The following MRTFB variants were observed in gnomAD, a reference collection of about 807,000 sequenced individuals.
MRTFB encodes myocardin related transcription factor B.
MRTFB carries 29 observed loss-of-function variants against 104.2 expected under a neutral mutation model. That is an observed-to-expected ratio of 0.28 (90% CI 0.21 to 0.38). The LOEUF (loss-of-function observed/expected upper bound fraction) is 0.38, where lower values mean the gene tolerates loss of function less well. Among genes scored for constraint, MRTFB ranks in the 10% least tolerant of loss-of-function variants. MRTFB has a pLI of 1.00. For missense variants in MRTFB, 1,270 were observed against 1,341.6 expected, an observed-to-expected ratio of 0.95 and a Z score of 0.83; for synonymous variants, 535 against 519.5, an observed-to-expected ratio of 1.03 and a Z score of -0.41.
chr16:14,138,381 C>T (rs13336288), intron 2 of MRTFB, among the ~76,000 whole-genome samples: 3,885 of 152,104 alleles, frequency 0.026, 177 homozygotes, highest in African/African-American at 0.089. Context: ...TCTCTTTATT[C>T]TAAGTAAGTT....
chr16:14,173,157 A>G (rs1264517725), intron 3 of MRTFB, among the ~76,000 whole-genome samples: 1 of 151,606 alleles, frequency 6.6e-6, no homozygotes, highest in Non-Finnish European at 1.5e-5. Context: ...CTCCCTCCAC[A>G]TTGCTTTTCT....
At chr16:14,005,126 G>A in the MRTFB span, among the ~76,000 whole-genome samples, 2 of 152,260 alleles carry the variant, frequency 1.3e-5, no homozygotes, top group Admixed American at 6.5e-5. Context: ...TGCCCTGTGA[G>A]CCTCCAGGAA....
At chr16:14,252,234 G>T (rs1022001871) in intron 14 of MRTFB, 131 bp from the exon 15 acceptor site, 1 of 1,404,692 alleles carries the variant, frequency 7.1e-7, no homozygotes, top group African/African-American at 1.4e-5. Context: ...AGCCTCACAG[G>T]TGCTTAAAAG....
chr16:14,205,932 C>T (rs1312173409), intron 3 of MRTFB, among the ~76,000 whole-genome samples: 1 of 152,190 alleles, frequency 6.6e-6, no homozygotes, highest in African/African-American at 2.4e-5. Context: ...GCCTCTGCTG[C>T]AGGAAAACAG....
At chr16:14,253,451 T>C (rs2043340490) in intron 15 of MRTFB, among the ~76,000 whole-genome samples, 1 of 152,050 alleles carries the variant, frequency 6.6e-6, no homozygotes, top group African/African-American at 2.4e-5. Flanking sequence ...TGGGGTAACT[T>C]GTTGGGGCCA....
At chr16:14,104,922 G>A (rs547330588) in intron 2 of MRTFB, among the ~76,000 whole-genome samples, 17 of 152,284 alleles carry the variant, frequency 1.1e-4, no homozygotes, top group Admixed American at 3.3e-4. Context: ...GCACTGAAGC[G>A]TATTGACATT....
At chr16:14,228,626 T>TG (rs1422397679) in intron 8 of MRTFB, among the ~76,000 whole-genome samples, 4 of 151,720 alleles carry the variant, frequency 2.6e-5, no homozygotes, top group Admixed American at 1.3e-4. Context: ...TGTATATCCC[T>TG]GTTCATAGCA....
chr16:14,069,600 T>A (rs568928089), upstream of MRTFB, among the ~76,000 whole-genome samples: 4 of 152,304 alleles, frequency 2.6e-5, no homozygotes, highest in South Asian at 6.2e-4. Context: ...TCCTCTCACA[T>A]CAGCCTCCAG....
At chr16:14,157,950 G>T (rs1362558697) in intron 3 of MRTFB, among the ~76,000 whole-genome samples, 1 of 152,134 alleles carries the variant, frequency 6.6e-6, no homozygotes, top group Non-Finnish European at 1.5e-5. Flanking sequence ...GTTTGAAAAT[G>T]TAATTATTTG....
At chr16:14,085,931 G>C (rs1317793845) in intron 2 of MRTFB, among the ~76,000 whole-genome samples, 1 of 152,054 alleles carries the variant, frequency 6.6e-6, no homozygotes, top group East Asian at 1.9e-4. Context: ...TTTTGTTGTT[G>C]TCAAGGGAAA....
At chr16:14,251,806 A>T in intron 13 of MRTFB, 56 bp from the exon 14 acceptor site, 1 of 1,582,602 alleles carries the variant, frequency 6.3e-7, no homozygotes, top group Non-Finnish European at 8.6e-7. Context: ...GGTTTTCTTT[A>T]CTTCATTAAG....
At chr16:14,053,562 C>A in the MRTFB span, among the ~76,000 whole-genome samples, 1 of 151,920 alleles carries the variant, frequency 6.6e-6, no homozygotes, top group Non-Finnish European at 1.5e-5. Context: ...GAAACCCTGT[C>A]TCTACTAAAA....
the MRTFB span, among the ~76,000 whole-genome samples, chr16:14,051,546 C>T: frequency 6.6e-6 from 1 of 151,950 alleles, no homozygotes; most frequent in African/African-American, 2.4e-5. Flanking sequence ...CTTAAAGACA[C>T]ACACAGACAG....
intron 2 of MRTFB, among the ~76,000 whole-genome samples, chr16:14,084,367 C>G (rs556029459): frequency 1.3e-5 from 2 of 152,166 alleles, no homozygotes; most frequent in East Asian, 3.9e-4. Context: ...ATAGTGAAAT[C>G]CCATCTCTGC....
intron 3 of MRTFB, among the ~76,000 whole-genome samples, chr16:14,181,913 G>T (rs899863928): frequency 6.6e-5 from 10 of 152,144 alleles, no homozygotes; most frequent in Non-Finnish European, 1.5e-4. Flanking sequence ...GTGGGAAAAT[G>T]GACTTGATTT....
chr16:14,108,281 A>G (rs2036095807), intron 2 of MRTFB, among the ~76,000 whole-genome samples: 1 of 152,234 alleles, frequency 6.6e-6, no homozygotes, highest in African/African-American at 2.4e-5. Context: ...AGACAGAACA[A>G]GTATATATGG....
intron 2 of MRTFB, among the ~76,000 whole-genome samples, chr16:14,102,971 A>T (rs754911657): frequency 6.6e-6 from 1 of 152,294 alleles, no homozygotes; most frequent in Admixed American, 6.5e-5. Flanking sequence ...GACCATTTGT[A>T]TATCAGCTCC....
At chr16:14,224,381 G>T (rs1376243496) in intron 8 of MRTFB, among the ~76,000 whole-genome samples, 1 of 152,084 alleles carries the variant, frequency 6.6e-6, no homozygotes, top group African/African-American at 2.4e-5. Context: ...AGTGTAAATG[G>T]TTTTTTTACT....
At chr16:14,254,902 C>G (rs752757476) in intron 15 of MRTFB, among the ~76,000 whole-genome samples, 1 of 152,210 alleles carries the variant, frequency 6.6e-6, no homozygotes, top group African/African-American at 2.4e-5. Context: ...ACTACTATTA[C>G]AGCTGTCCTC....
Sources: allele counts gnomAD v4.1 joint callset (sites outside exome capture counted in the v4.1 genomes callset), GRCh38; gene constraint gnomAD v4.1.1; transcripts MANE v1.5; gene names NCBI Gene and HGNC (gene_info 2026-07-23, HGNC 2026-07-21).